ACVR2A: variants seen among roughly 807,000 people sequenced by gnomAD.
The protein encoded by ACVR2A is activin A receptor type 2A, also known as activin receptor type-2A.
Under a neutral mutation model 61.4 loss-of-function variants are expected in ACVR2A, and 7 were observed. That is an observed-to-expected ratio of 0.11 (90% CI 0.06 to 0.21). The LOEUF (loss-of-function observed/expected upper bound fraction) is 0.21, where lower values mean the gene tolerates loss of function less well. Ranked by LOEUF, ACVR2A falls within the 10% of genes least tolerant of loss-of-function variation. The probability of loss-of-function intolerance (pLI) is 1.00; values close to 1 mark genes in which losing one functional copy is unlikely to be tolerated. For synonymous variants in ACVR2A, 193 were observed against 208.3 expected (o/e 0.93, Z 0.63); for missense variants, 322 against 621.7 (o/e 0.52, Z 5.13).
intron 8 of ACVR2A, among the ~76,000 whole-genome samples, chr2:147,921,557 CTATT>C (rs1687382956): frequency 6.6e-6 from 1 of 152,086 alleles, no homozygotes; most frequent in Non-Finnish European, 1.5e-5. Flanking sequence ...TATTGACTAA[CTATT>C]TAAGAATGTA....
chr2:147,918,187 ACTTGT>A (rs966181915), intron 6 of ACVR2A, among the ~76,000 whole-genome samples: 2 of 151,600 alleles, frequency 1.3e-5, no homozygotes, highest in African/African-American at 4.8e-5. Context: ...AAAAAAACAA[ACTTGT>A]CTTATAGATT....
chr2:147,899,993 T>C, intron 4 of ACVR2A, 95 bp downstream of exon 4: 1 of 1,342,874 alleles, frequency 7.4e-7, no homozygotes, highest in Non-Finnish European at 1.0e-6. Flanking sequence ...CAGATTATTT[T>C]CCTTTGGAGT....
At chr2:147,875,713 G>A (rs1686136745) in intron 1 of ACVR2A, among the ~76,000 whole-genome samples, 1 of 152,040 alleles carries the variant, frequency 6.6e-6, no homozygotes, top group African/African-American at 2.4e-5. Context: ...CTTCCAGCTT[G>A]AAAATGAACA....
chr2:147,900,023 G>T, intron 4 of ACVR2A, 125 bp downstream of exon 4: 1 of 1,076,176 alleles, frequency 9.3e-7, no homozygotes. Flanking sequence ...AATGTTTATT[G>T]TCATGAGAAC....
intron 4 of ACVR2A, among the ~76,000 whole-genome samples, chr2:147,911,689 C>G (rs760061601): frequency 1.3e-5 from 2 of 151,872 alleles, no homozygotes; most frequent in Admixed American, 6.6e-5. Context: ...ATATTTATGT[C>G]ATAAAGGGTT....
At chr2:147,925,116 CTG>C (rs1345411174) in intron 9 of ACVR2A, among the ~76,000 whole-genome samples, 1 of 151,952 alleles carries the variant, frequency 6.6e-6, no homozygotes, top group Non-Finnish European at 1.5e-5. Flanking sequence ...CAGTGGTGAC[CTG>C]TGTCTGTCAA....
intron 1 of ACVR2A, among the ~76,000 whole-genome samples, chr2:147,883,279 C>G (rs934683330): frequency 6.6e-6 from 1 of 152,230 alleles, no homozygotes; most frequent in Non-Finnish European, 1.5e-5. Flanking sequence ...CAACCTCCAT[C>G]TCTCAGGTTC....
intron 4 of ACVR2A, among the ~76,000 whole-genome samples, chr2:147,905,405 A>T (rs1686965242): frequency 6.6e-6 from 1 of 152,110 alleles, no homozygotes; most frequent in Admixed American, 6.6e-5. Flanking sequence ...TTGTATATTT[A>T]AGGTGTACAA....
chr2:147,873,590 G>A (rs1686082540), intron 1 of ACVR2A, among the ~76,000 whole-genome samples: 1 of 151,850 alleles, frequency 6.6e-6, no homozygotes. Context: ...AGCATAAGAG[G>A]AGCAAATATG....
chr2:147,906,742 C>T (rs1686995399), intron 4 of ACVR2A, among the ~76,000 whole-genome samples: 1 of 151,116 alleles, frequency 6.6e-6, no homozygotes, highest in African/African-American at 2.4e-5. Flanking sequence ...ATATCAGGCA[C>T]TATACAGATC....
chr2:147,902,091 T>A (rs1686883439), intron 4 of ACVR2A, among the ~76,000 whole-genome samples: 1 of 152,020 alleles, frequency 6.6e-6, no homozygotes, highest in South Asian at 2.1e-4. Context: ...ATATTTTTTT[T>A]CAATGATTTC....
At chr2:147,917,569 A>AAAAATGT in intron 6 of ACVR2A, 143 bp downstream of exon 6, 1 of 1,046,534 alleles carries the variant, frequency 9.6e-7, no homozygotes, top group South Asian at 1.8e-5. Context: ...ATTCTTGAAT[A>AAAAATGT]AAAATGTTTT....
chr2:147,903,037 C>T (rs1686907252), intron 4 of ACVR2A: 1 of 151,802 alleles, frequency 6.6e-6, no homozygotes, highest in African/African-American at 2.4e-5. Flanking sequence ...TATTAGTAAG[C>T]TGGTTCTGGC....
At chr2:147,853,282 A>G (rs541692406) in intron 1 of ACVR2A, among the ~76,000 whole-genome samples, 8 of 152,282 alleles carry the variant, frequency 5.3e-5, no homozygotes, top group African/African-American at 9.6e-5. Context: ...CAGACACTGT[A>G]TGATGGATAT....
chr2:147,875,420 A>G (rs1376017443), intron 1 of ACVR2A, among the ~76,000 whole-genome samples: 1 of 152,094 alleles, frequency 6.6e-6, no homozygotes, highest in African/African-American at 2.4e-5. Flanking sequence ...TGTTCATTAC[A>G]GTGTTTCGTG....
At position 147,855,416 on chromosome 2, in the gene ACVR2A, G is replaced by T. The variant is rs577274270; in HGVS notation, c.55+10209G>T. Among the ~76,000 whole-genome samples, 19 of 152,284 alleles carry T rather than the reference G, an allele frequency of 1.2e-4. No homozygotes were observed. The South Asian group carries it at 3.9e-3, about 32-fold the overall frequency. ...GAAGGAGTTAGAATAAAATGCAAAT[G>T]GCAGTGTGAAGCAAAGAGTTTTAAG... On this transcript the variant is annotated intron_variant, in intron 1 of 10. Transcript: ENST00000241416.
chr2:147,852,720 C>T (rs1299751958), intron 1 of ACVR2A, among the ~76,000 whole-genome samples: 3 of 151,974 alleles, frequency 2.0e-5, no homozygotes, highest in Non-Finnish European at 4.4e-5. Context: ...TTAGGAAAGA[C>T]TTGCTGGACT....
chr2:147,897,441 A>T (rs1686765205), intron 2 of ACVR2A, among the ~76,000 whole-genome samples: 2 of 152,138 alleles, frequency 1.3e-5, no homozygotes, highest in East Asian at 1.9e-4. Flanking sequence ...ACTGCCTGTG[A>T]TCTTTCTGTA....
intron 1 of ACVR2A, among the ~76,000 whole-genome samples, chr2:147,852,824 G>C (rs1397659524): frequency 6.6e-6 from 1 of 152,104 alleles, no homozygotes; most frequent in Non-Finnish European, 1.5e-5. Flanking sequence ...ATAGCCATTT[G>C]AGAGTAAACT....
Sources: allele counts gnomAD v4.1 joint callset (sites outside exome capture counted in the v4.1 genomes callset), GRCh38; gene constraint gnomAD v4.1.1; transcripts MANE v1.5; gene names NCBI Gene and HGNC (gene_info 2026-07-23, HGNC 2026-07-21).